DIPK1A: variants seen among roughly 807,000 people sequenced by gnomAD.
The protein encoded by DIPK1A is family with sequence similarity 69 member A.
DIPK1A carries 27 observed loss-of-function variants against 40.8 expected under a neutral mutation model. The ratio of observed to expected loss-of-function variants is 0.66; its 90% CI spans 0.49 to 0.91. The LOEUF (loss-of-function observed/expected upper bound fraction) is 0.91, where lower values mean the gene tolerates loss of function less well. Among genes scored for constraint, DIPK1A ranks in the 40% least tolerant of loss-of-function variants. DIPK1A has a pLI of 0.00. For missense variants in DIPK1A, 412 were observed against 505.7 expected (o/e 0.81, Z 1.78); for synonymous variants, 166 against 171.3 (o/e 0.97, Z 0.24).
At position 92,853,190 on chromosome 1, in the gene DIPK1A, ATGAAGGAGAATGGGAAC is replaced by A. The variant is rs1164386759; in HGVS notation, c.190-2252_190-2236del. ...GACAAAGTATATCCACCATGTCCAT[ATGAAGGAGAATGGGAAC>A]TGAAGGAGAATGGGAACAAGTGGAA... On this transcript the variant is annotated intron_variant, in intron 2 of 4. Coordinates refer to ENST00000370310, the MANE Select transcript of DIPK1A (RefSeq NM_001006605.5). Among the ~76,000 whole-genome samples, 4 of 152,348 alleles carry A rather than the reference ATGAAGGAGAATGGGAAC, an allele frequency of 2.6e-5. No individual in the cohort carries two copies. The South Asian group carries it at 6.2e-4, about 24-fold the overall frequency.
rs990045870 is a variant in DIPK1A at position 92,843,261 on chromosome 1, T to A, written c.*122A>T. ...TCAGTGATCACATACTGATGGCTTCTCAGGCCTGGGGGGAAGGAGTTTTGT... is the reference window on the plus strand; with the variant it reads ...TCAGTGATCACATACTGATGGCTTCACAGGCCTGGGGGGAAGGAGTTTTGT... On this transcript the variant is annotated 3_prime_UTR_variant, in exon 5 of 5. Transcript: ENST00000370310. 1 of 1,445,368 alleles carries A rather than the reference T, an allele frequency of 6.9e-7. No homozygotes were observed. The highest frequency in any genetic ancestry group is 9.1e-7 in the Non-Finnish European group (1 of 1,100,018). The allele number at this position is 1,445,368 out of a possible 1,614,324, so 89.5% of individuals were successfully genotyped here. A position where few individuals can be genotyped will look rare whatever the true frequency, so the allele number is the denominator to read the frequency against.
intron 2 of DIPK1A, among the ~76,000 whole-genome samples, chr1:92,859,226 G>GA (rs1223147990): frequency 2.6e-5 from 4 of 151,670 alleles, no homozygotes; most frequent in African/African-American, 7.3e-5. Flanking sequence ...TTTTCCTAAG[G>GA]AAAAAAAATA....
chr1:92,844,241 C>T (rs1483429337), intron 4 of DIPK1A, 46 bp from the exon 5 acceptor site: 10 of 1,181,336 alleles, frequency 8.5e-6, no homozygotes, highest in South Asian at 2.9e-5. Context: ...AAAAATACCT[C>T]CCATGCAACA....
chr1:92,843,136 A>G lies in DIPK1A; in HGVS notation c.*247T>C, dbSNP rs960597540. 20 of 1,188,290 alleles carry G rather than the reference A, an allele frequency of 1.7e-5. No homozygotes were observed. The highest frequency in any genetic ancestry group is 2.1e-5 in the Non-Finnish European group (20 of 955,924). 73.6% of individuals were successfully genotyped at this position (1,188,290 alleles called of 1,614,324 possible). A position where few individuals can be genotyped will look rare whatever the true frequency, so the allele number is the denominator to read the frequency against. On this transcript the variant is annotated 3_prime_UTR_variant, in exon 5 of 5. Coordinates refer to ENST00000370310, the MANE Select transcript of DIPK1A (RefSeq NM_001006605.5). The stretch of plus-strand genomic sequence containing the variant: ...CAGCATTGGTTTTTAAAGTCAGTCA[A>G]AATAGTTACACAATGAATGTACTTC...
intron 1 of DIPK1A, among the ~76,000 whole-genome samples, chr1:92,878,390 T>C (rs574479075): frequency 6.6e-6 from 1 of 151,730 alleles, no homozygotes; most frequent in South Asian, 2.1e-4. Flanking sequence ...ATGAAAAAAT[T>C]TAAAAATTAG....
chr1:92,840,724 A>G (rs115931438), downstream of DIPK1A: 17,170 of 980,114 alleles, frequency 0.018, 213 homozygotes, highest in Non-Finnish European at 0.022. Flanking sequence ...TAATTGTGCA[A>G]ACTCGATCAC....
intron 2 of DIPK1A, among the ~76,000 whole-genome samples, chr1:92,859,343 A>C (rs1401783068): frequency 1.3e-5 from 2 of 151,988 alleles, no homozygotes; most frequent in Non-Finnish European, 2.9e-5. Flanking sequence ...CTAGACTTGC[A>C]CTTCATGTTC....
intron 2 of DIPK1A, among the ~76,000 whole-genome samples, chr1:92,853,033 C>A (rs1571057947): frequency 6.6e-6 from 1 of 152,036 alleles, no homozygotes; most frequent in East Asian, 1.9e-4. Context: ...CAGAGTGAGA[C>A]CCTGTCTTAA....
At chr1:92,952,883 T>C (rs1651689498) in intron 1 of DIPK1A, among the ~76,000 whole-genome samples, 1 of 151,352 alleles carries the variant, frequency 6.6e-6, no homozygotes, top group Non-Finnish European at 1.5e-5. Context: ...GGACAGGGAG[T>C]AAAACTTGTG....
intron 1 of DIPK1A, among the ~76,000 whole-genome samples, chr1:92,909,847 G>T (rs991817967): frequency 1.3e-5 from 2 of 152,210 alleles, no homozygotes; most frequent in African/African-American, 4.8e-5. Context: ...AAGTGCTTTA[G>T]TTGGAACCTC....
In DIPK1A at chr1:92,834,899, C is replaced by T. The variant is rs766476007; in HGVS notation, c.475-1865G>A. 2.5e-6 allele frequency: 4 copies of T among 1,601,932 alleles called. No homozygotes were observed. The highest frequency in any genetic ancestry group is 1.7e-5 in the Admixed American group (1 of 60,020). On this transcript the variant is annotated intron_variant, in intron 4 of 4. Coordinates refer to the DIPK1A transcript ENST00000615519. Reference sequence around the variant, plus strand: ...TGCTGCAGCATATTGTACTGGCCTGCTGCTGGCCCGCAGGGTATGTACAAG... The same window carrying T: ...TGCTGCAGCATATTGTACTGGCCTGTTGCTGGCCCGCAGGGTATGTACAAG...
chr1:92,955,121 T>C (rs987157596), intron 1 of DIPK1A, among the ~76,000 whole-genome samples: 3 of 152,182 alleles, frequency 2.0e-5, no homozygotes, highest in East Asian at 1.9e-4. Context: ...TCCAACTAGA[T>C]GACATTTTAG....
chr1:92,856,599 T>G (rs890140163), intron 2 of DIPK1A, among the ~76,000 whole-genome samples: 16 of 152,196 alleles, frequency 1.1e-4, no homozygotes, highest in African/African-American at 3.1e-4. Flanking sequence ...GTATTTTTAG[T>G]AGAGATGGGG....
intron 2 of DIPK1A, among the ~76,000 whole-genome samples, chr1:92,855,689 T>A (rs1364098614): frequency 1.3e-5 from 2 of 149,462 alleles, no homozygotes; most frequent in Non-Finnish European, 3.0e-5. Flanking sequence ...AAAGTGAGAC[T>A]CTGTCTCTAA....
intron 2 of DIPK1A, among the ~76,000 whole-genome samples, chr1:92,870,830 A>T (rs547558023): frequency 6.6e-6 from 1 of 152,200 alleles, no homozygotes; most frequent in Admixed American, 6.5e-5. Flanking sequence ...GCTTCCACTG[A>T]CTGGTCAGTG....
chr1:92,938,982 C>T (rs1205139780), intron 1 of DIPK1A, among the ~76,000 whole-genome samples: 1 of 151,736 alleles, frequency 6.6e-6, no homozygotes, highest in African/African-American at 2.4e-5. Context: ...CTCACTGCAA[C>T]CTCTGCATCT....
At position 92,876,498 on chromosome 1, in the gene DIPK1A, C is replaced by T. The variant is rs374503404; in HGVS notation, c.55-68G>A. On this transcript the variant is annotated intron_variant, in intron 1 of 4. Coordinates refer to ENST00000370310, the MANE Select transcript of DIPK1A (RefSeq NM_001006605.5). The stretch of plus-strand genomic sequence containing the variant: ...AATCAGCATTCAATGTCCTAGAACA[C>T]GACTTCTCACCCTTCTTGGAACAAC... The T allele has an allele frequency of 1.5e-4, 231 of 1,511,028 alleles. 1 individual carries two copies. Among genetic ancestry groups the T allele is most frequent in the African/African-American group, 1.3e-3 (96 of 71,906 alleles). The allele number at this position is 1,511,028 out of a possible 1,614,324, so 93.6% of individuals were successfully genotyped here.
At chr1:92,910,036 T>C (rs909587223) in intron 1 of DIPK1A, among the ~76,000 whole-genome samples, 1 of 152,172 alleles carries the variant, frequency 6.6e-6, no homozygotes, top group Non-Finnish European at 1.5e-5. Context: ...GCTCCTTCCA[T>C]CTAAGAACCT....
At chr1:92,958,557 C>G (rs959141747) in intron 1 of DIPK1A, among the ~76,000 whole-genome samples, 21 of 152,182 alleles carry the variant, frequency 1.4e-4, no homozygotes, top group Non-Finnish European at 2.5e-4. Flanking sequence ...CCCCTCCCCC[C>G]AAACAGAACA....
Sources: gnomAD v4.1 joint callset for allele counts (sites outside exome capture counted in the v4.1 genomes callset) on GRCh38, gnomAD v4.1.1 for gene constraint, MANE v1.5 for transcripts, NCBI Gene and HGNC (gene_info 2026-07-23, HGNC 2026-07-21) for gene names.